ZNF365: variants seen among roughly 807,000 people sequenced by gnomAD.
ZNF365 encodes zinc finger protein 365.
A neutral mutation model predicts 35.0 loss-of-function variants in ZNF365; 22 were observed. That is an observed-to-expected ratio of 0.63 (90% CI 0.45 to 0.90). The LOEUF (loss-of-function observed/expected upper bound fraction) is 0.90. Among genes scored for constraint, ZNF365 ranks in the 40% least tolerant of loss-of-function variants. ZNF365 has a pLI of 0.00. For missense variants in ZNF365, 448 were observed against 500.3 expected (o/e 0.90, Z 1.00); for synonymous variants, 188 against 196.2 (o/e 0.96, Z 0.35).
At position 62,401,793 on chromosome 10, in the gene ZNF365, T is replaced by C; in HGVS notation, c.*2004T>C. On this transcript the variant is annotated 3_prime_UTR_variant, in exon 5 of 5. Transcript: ENST00000395254. ...GTAACTGACATTTTGGATTTTCATC[T>C]AACATAGAGGGCATGGCAACTCTCT... The C allele has an allele frequency of 1.0e-6, 1 of 985,556 alleles. No individual in the cohort carries two copies. The highest frequency in any genetic ancestry group is 1.2e-6 in the Non-Finnish European group (1 of 829,924). 61.1% of individuals were successfully genotyped at this position (985,556 alleles called of 1,614,324 possible).
At chr10:62,454,208 A>C (rs532931806) in intron 3 of ZNF365, among the ~76,000 whole-genome samples, 136 of 152,328 alleles carry the variant, frequency 8.9e-4, no homozygotes, top group Admixed American at 1.6e-3. Context: ...GTTACCAAGC[A>C]GGAAAGTCAT....
rs150617774 is a variant in ZNF365 at position 62,452,715 on chromosome 10, T to C, written c.925-7026T>C. Among the ~76,000 whole-genome samples the C allele has an allele frequency of 5.8e-3, 889 of 152,384 alleles. 6 individuals are homozygous for C. Among genetic ancestry groups the C allele is most frequent in the African/African-American group, 0.02 (851 of 41,586 alleles). ...CCTGCAATGGATCTCTTTAGATCAATACACCCCAGGGTCCTAACTCTAGGA... is the reference window on the plus strand; with the variant it reads ...CCTGCAATGGATCTCTTTAGATCAACACACCCCAGGGTCCTAACTCTAGGA... On this transcript the variant is annotated intron_variant, in intron 3 of 4. Coordinates refer to the ZNF365 transcript ENST00000395255.
At chr10:62,467,065 A>T (rs1840956361) in intron 4 of ZNF365, among the ~76,000 whole-genome samples, 1 of 152,250 alleles carries the variant, frequency 6.6e-6, no homozygotes, top group South Asian at 2.1e-4. Flanking sequence ...AACCATTTGC[A>T]AGTAAAATAA....
At position 62,399,965 on chromosome 10, in the gene ZNF365, C is replaced by A; in HGVS notation, c.*176C>A. On this transcript the variant is annotated 3_prime_UTR_variant, in exon 5 of 5. Transcript: ENST00000395254. ...CTTAGCAAATGGGAATCTTAGTGAA[C>A]CAGAATTTTATTATAACCCCCTTTT... 2 of 1,354,030 alleles carry A rather than the reference C, an allele frequency of 1.5e-6. No individual in the cohort carries two copies. The highest frequency in any genetic ancestry group is 3.1e-5 in the Admixed American group (1 of 31,984). 83.9% of individuals were successfully genotyped at this position (1,354,030 alleles called of 1,614,324 possible).
intron 3 of ZNF365, among the ~76,000 whole-genome samples, chr10:62,446,926 G>T (rs1485579082): frequency 6.6e-6 from 1 of 152,144 alleles, no homozygotes; most frequent in Non-Finnish European, 1.5e-5. Flanking sequence ...AAAGACAAAA[G>T]GCTGAGATGG....
intron 3 of ZNF365, among the ~76,000 whole-genome samples, chr10:62,392,707 T>A (rs913988127): frequency 1.3e-5 from 2 of 152,122 alleles, no homozygotes; most frequent in Non-Finnish European, 2.9e-5. Flanking sequence ...CTCGGCTCAC[T>A]GCAACCTCCA....
rs1840814738 is a variant in ZNF365 at position 62,459,659 on chromosome 10, C to T, written c.925-82C>T. 5 of 1,427,598 alleles carry T rather than the reference C, an allele frequency of 3.5e-6. No individual in the cohort carries two copies. The Admixed American group carries it at 7.9e-5, about 23-fold the overall frequency. The allele number at this position is 1,427,598 out of a possible 1,614,324, so 88.4% of individuals were successfully genotyped here. A position where few individuals can be genotyped will look rare whatever the true frequency, so the allele number is the denominator to read the frequency against. Reference sequence around the variant, plus strand: ...CTTTACTTAAATGAATGGAACATGGCACTGCTTGTAGTCTTGCTGTGACTT... The same window carrying T: ...CTTTACTTAAATGAATGGAACATGGTACTGCTTGTAGTCTTGCTGTGACTT... On this transcript the variant is annotated intron_variant, in intron 3 of 4. Transcript: ENST00000395255.
intron 3 of ZNF365, among the ~76,000 whole-genome samples, chr10:62,428,688 C>T (rs921979119): frequency 2.6e-5 from 4 of 152,182 alleles, no homozygotes; most frequent in African/African-American, 7.2e-5. Flanking sequence ...GCATCTAAGG[C>T]TGGAGGGGGG....
exon 4 of ZNF365, chr10:62,459,795 G>A: frequency 6.2e-7 from 1 of 1,608,630 alleles, no homozygotes; most frequent in East Asian, 2.2e-5. Context: ...CCTGGAATTG[G>A]AGGTAAAGCC....
At chr10:62,413,368 G>A (rs958648779) in intron 3 of ZNF365, among the ~76,000 whole-genome samples, 1 of 152,164 alleles carries the variant, frequency 6.6e-6, no homozygotes, top group Non-Finnish European at 1.5e-5. Context: ...GAGAAAAAAA[G>A]TATGCAAATG....
chr10:62,478,331 A>G (rs1205679191), intron 4 of ZNF365, among the ~76,000 whole-genome samples: 2 of 152,206 alleles, frequency 1.3e-5, no homozygotes, highest in African/African-American at 4.8e-5. Flanking sequence ...GGAGGATATT[A>G]TCTCAGAGAG....
At chr10:62,379,553 C>T (rs1162447041) in intron 2 of ZNF365, among the ~76,000 whole-genome samples, 1 of 151,828 alleles carries the variant, frequency 6.6e-6, no homozygotes, top group Non-Finnish European at 1.5e-5. Context: ...CTGAAAGAGT[C>T]TTGTTTCCAG....
intron 3 of ZNF365, among the ~76,000 whole-genome samples, chr10:62,431,736 A>T (rs1054895657): frequency 3.9e-5 from 6 of 152,226 alleles, no homozygotes; most frequent in Non-Finnish European, 8.8e-5. Context: ...TAAGAATAGG[A>T]TAAGAATGGG....
intron 3 of ZNF365, among the ~76,000 whole-genome samples, chr10:62,440,657 A>G (rs756428909): frequency 2.6e-5 from 4 of 152,206 alleles, no homozygotes. Flanking sequence ...CTGCCTTACT[A>G]ATTGTGTATC....
At chr10:62,438,792 C>T (rs767128545) in intron 3 of ZNF365, among the ~76,000 whole-genome samples, 1 of 152,160 alleles carries the variant, frequency 6.6e-6, no homozygotes, top group African/African-American at 2.4e-5. Context: ...TTGAAGCTTG[C>T]AATAGCTGAT....
At chr10:62,432,675 C>T (rs1215508250) in intron 3 of ZNF365, among the ~76,000 whole-genome samples, 1 of 152,096 alleles carries the variant, frequency 6.6e-6, no homozygotes, top group Middle Eastern at 3.2e-3. Context: ...TTCAGTTTAG[C>T]CTGATGTTGG....
At position 62,443,289 on chromosome 10, in the gene ZNF365, G is replaced by T. The variant is rs190517711; in HGVS notation, c.925-16452G>T. ...TCTGCCCTTTGAAAGCATATAATTA[G>T]TTATTCCATTCCTTCAGAAAACTGG... is the stretch of plus-strand genomic sequence containing the variant. On this transcript the variant is annotated intron_variant, in intron 3 of 4. Transcript: ENST00000395255. Among the ~76,000 whole-genome samples, 18 of 152,290 alleles carry T rather than the reference G, an allele frequency of 1.2e-4. No individual in the cohort carries two copies. In the East Asian group the frequency reaches 3.5e-3, roughly 29 times the overall value.
chr10:62,402,400 A>G lies in ZNF365; in HGVS notation c.*2611A>G, dbSNP rs746959772. On this transcript the variant is annotated 3_prime_UTR_variant, in exon 5 of 5. Transcript: ENST00000395254. The stretch of plus-strand genomic sequence containing the variant: ...GGAATATTCTGTTCCAGAATTAAAG[A>G]AGTTTTTAGATTATGAAATATTATG... 6.4e-5 allele frequency: 63 copies of G among 984,712 alleles called. No individual in the cohort carries two copies. Among genetic ancestry groups the G allele is most frequent in the Non-Finnish European group, 7.4e-5 (61 of 829,282 alleles). 61.0% of individuals were successfully genotyped at this position (984,712 alleles called of 1,614,324 possible).
chr10:62,383,656 A>T (rs1345949439), intron 2 of ZNF365, among the ~76,000 whole-genome samples: 4 of 152,232 alleles, frequency 2.6e-5, no homozygotes, highest in Non-Finnish European at 4.4e-5. Flanking sequence ...CAGTGCGTGA[A>T]CGCATATTTC....
Sources: gnomAD v4.1 joint callset for allele counts (sites outside exome capture counted in the v4.1 genomes callset) on GRCh38, gnomAD v4.1.1 for gene constraint, MANE v1.5 for transcripts, NCBI Gene and HGNC (gene_info 2026-07-23, HGNC 2026-07-21) for gene names.